Variants in PTPA observed in about 807,000 individuals in gnomAD.
PTPA encodes serine/threonine-protein phosphatase 2A activator.
Under a neutral mutation model 43.6 loss-of-function variants are expected in PTPA, and 13 were observed. The ratio of observed to expected loss-of-function variants is 0.30; its 90% confidence interval spans 0.19 to 0.47. The LOEUF (loss-of-function observed/expected upper bound fraction) is 0.47. Ranked by LOEUF, PTPA falls within the 20% of genes least tolerant of loss-of-function variation. The pLI, the probability that PTPA is intolerant of heterozygous loss-of-function variation, is 0.99. For synonymous variants in PTPA, 172 were observed against 158.2 expected, an observed-to-expected ratio of 1.09 and a Z score of -0.66; for missense variants, 329 against 411.9, an observed-to-expected ratio of 0.80 and a Z score of 1.74.
intron 8 of PTPA, chr9:129,137,917 A>G: frequency 1.8e-6 from 1 of 553,664 alleles, no homozygotes; most frequent in South Asian, 1.9e-5. Flanking sequence ...CCTGAACACC[A>G]CAGGAGTCTT....
intron 1 of PTPA, among the ~76,000 whole-genome samples, chr9:129,116,452 TCTTGGCTCA>T (rs1312821488): frequency 6.8e-6 from 1 of 147,628 alleles, no homozygotes; most frequent in Non-Finnish European, 1.5e-5. Context: ...AGTGGCACGA[TCTTGGCTCA>T]CTGCAAGCTC....
At chr9:129,122,716 T>G (rs1315275639) in intron 2 of PTPA, among the ~76,000 whole-genome samples, 2 of 152,224 alleles carry the variant, frequency 1.3e-5, no homozygotes, top group African/African-American at 4.8e-5. Context: ...ATCACTTCTC[T>G]TGAAATCTTG....
intron 9 of PTPA, among the ~76,000 whole-genome samples, chr9:129,145,157 A>G (rs1435005592): frequency 1.3e-5 from 2 of 151,952 alleles, no homozygotes; most frequent in Non-Finnish European, 2.9e-5. Flanking sequence ...ACGGTGAAAC[A>G]CTGTGTCTAC....
Position 129,148,235 on chromosome 9 carries a change from C to A in PTPA, c.*771C>A, listed in dbSNP as rs1376683875. On this transcript the variant is annotated 3_prime_UTR_variant, in exon 10 of 10. Transcript: ENST00000393370. Reference sequence around the variant, plus strand: ...GGTAGGTGCTGGGCTCCTGGGAGGGCCCAGATGATGGGGTGAGGCATGTCT... The same window carrying A: ...GGTAGGTGCTGGGCTCCTGGGAGGGACCAGATGATGGGGTGAGGCATGTCT... The A allele has an allele frequency of 6.6e-6, 1 of 152,418 alleles. No homozygotes were observed. The highest frequency in any genetic ancestry group is 2.4e-5 in the African/African-American group (1 of 41,472). The allele number at this position is 152,418 out of a possible 1,614,324, so 9.4% of individuals were successfully genotyped here.
At chr9:129,125,147 C>T (rs1290343250) in intron 3 of PTPA, among the ~76,000 whole-genome samples, 1 of 152,080 alleles carries the variant, frequency 6.6e-6, no homozygotes, top group Non-Finnish European at 1.5e-5. Flanking sequence ...CCAGGAATGT[C>T]GTGGAGGAAG....
intron 1 of PTPA, among the ~76,000 whole-genome samples, chr9:129,120,126 C>T (rs947050290): frequency 6.6e-6 from 1 of 152,148 alleles, no homozygotes; most frequent in Non-Finnish European, 1.5e-5. Flanking sequence ...GGCATGGTGA[C>T]ATACGTCTGT....
rs4836638 is a variant in PTPA at position 129,129,791 on chromosome 9, G to A, written c.342+681G>A. On this transcript the variant is annotated intron_variant, in intron 4 of 9. Coordinates refer to ENST00000393370, the MANE Select transcript of PTPA (RefSeq NM_178000.3). ...GCCCCAAAAAGGAATTTTTTTCATA[G>A]CTGGGCACGGTGGCTCATACATGTA... Among the ~76,000 whole-genome samples, 962 of 152,214 alleles carry A rather than the reference G, an allele frequency of 6.3e-3. 23 individuals carry two copies. In the East Asian group the frequency reaches 0.089, roughly 14 times the overall value.
chr9:129,115,842 A>T (rs926653746), intron 1 of PTPA, among the ~76,000 whole-genome samples: 1 of 150,922 alleles, frequency 6.6e-6, no homozygotes, highest in Non-Finnish European at 1.5e-5. Flanking sequence ...GGGCTTCACC[A>T]TGTTGGCCAG....
intron 7 of PTPA, 75 bp downstream of exon 7, chr9:129,136,670 G>A: frequency 6.8e-7 from 1 of 1,467,522 alleles, no homozygotes; most frequent in Non-Finnish European, 9.1e-7. Context: ...TGCCCCTCCT[G>A]CGCTCCCTCC....
At chr9:129,129,690 T>C (rs568370136) in intron 4 of PTPA, among the ~76,000 whole-genome samples, 1 of 152,226 alleles carries the variant, frequency 6.6e-6, no homozygotes, top group African/African-American at 2.4e-5. Flanking sequence ...AGGATGGTCT[T>C]GATCTCCTGA....
intron 4 of PTPA, among the ~76,000 whole-genome samples, 157 bp from the exon 5 acceptor site, chr9:129,131,365 T>TG (rs1391797879): frequency 2.6e-5 from 4 of 152,220 alleles, no homozygotes; most frequent in Non-Finnish European, 5.9e-5. Context: ...GAAGAATAAA[T>TG]GCTGTCCCTC....
rs551362061 is a variant in PTPA, at chr9:129,143,332, C to T, written c.894+780C>T. The T allele has an allele frequency of 1.0e-5, 7 of 703,104 alleles. No individual in the cohort carries two copies. In the South Asian group the frequency reaches 1.0e-4, roughly 10 times the overall value. The allele number at this position is 703,104 out of a possible 1,614,324, so 43.6% of individuals were successfully genotyped here. A position where few individuals can be genotyped will look rare whatever the true frequency, so the allele number is the denominator to read the frequency against. ...GAAGGGCTGGATGTGAAGTTCCACACCTGGAGTGATGGGTCCTTAAAGTCC... is the reference window on the plus strand; with the variant it reads ...GAAGGGCTGGATGTGAAGTTCCACATCTGGAGTGATGGGTCCTTAAAGTCC... On this transcript the variant is annotated intron_variant, in intron 9 of 9. Transcript: ENST00000393370.
intron 1 of PTPA, among the ~76,000 whole-genome samples, chr9:129,118,642 TG>T (rs1376804248): frequency 6.6e-6 from 1 of 152,118 alleles, no homozygotes; most frequent in Non-Finnish European, 1.5e-5. Context: ...CCCAAAGTGC[TG>T]GGATTGTAGG....
chr9:129,145,198 G>A (rs1464735652), intron 9 of PTPA, among the ~76,000 whole-genome samples: 3 of 151,998 alleles, frequency 2.0e-5, no homozygotes, highest in East Asian at 3.9e-4. Context: ...TGGCATCGTG[G>A]TGCGCACCTG....
intron 2 of PTPA, among the ~76,000 whole-genome samples, chr9:129,121,490 G>A (rs948016654): frequency 6.6e-6 from 1 of 152,162 alleles, no homozygotes; most frequent in African/African-American, 2.4e-5. Flanking sequence ...GGGGCAGCTT[G>A]GTCCCTTCAG....
At chr9:129,111,786 G>C in intron 1 of PTPA, 155 bp downstream of exon 1, 1 of 1,234,268 alleles carries the variant, frequency 8.1e-7, no homozygotes. Flanking sequence ...TGGCCTTAGG[G>C]GAGAGGTGGG....
At chr9:129,133,960 TCAGATTA>T (rs1281998471) in intron 5 of PTPA, among the ~76,000 whole-genome samples, 9 of 152,362 alleles carry the variant, frequency 5.9e-5, no homozygotes, top group South Asian at 4.1e-4. Flanking sequence ...CTTTCAGATT[TCAGATTA>T]GATGTTACTT....
At chr9:129,112,211 G>A (rs1848562874) in intron 1 of PTPA, among the ~76,000 whole-genome samples, 1 of 152,204 alleles carries the variant, frequency 6.6e-6, no homozygotes, top group Admixed American at 6.5e-5. Context: ...TGTGCAAGGA[G>A]GTTAGTCTCT....
intron 4 of PTPA, among the ~76,000 whole-genome samples, 189 bp from the exon 5 acceptor site, chr9:129,131,333 G>A (rs756402432): frequency 2.0e-5 from 3 of 152,172 alleles, no homozygotes; most frequent in Non-Finnish European, 4.4e-5. Flanking sequence ...ATGATAAGTC[G>A]CCTGGGTAGT....
Sources: allele counts gnomAD v4.1 joint callset (sites outside exome capture counted in the v4.1 genomes callset), GRCh38; gene constraint gnomAD v4.1.1; transcripts MANE v1.5; gene names NCBI Gene and HGNC (gene_info 2026-07-23, HGNC 2026-07-21).